Variants in HSD11B1 observed in about 807,000 individuals in gnomAD.
The protein encoded by HSD11B1 is 11-beta-hydroxysteroid dehydrogenase 1.
Under a neutral mutation model 22.1 loss-of-function variants are expected in HSD11B1, and 15 were observed. The ratio of observed to expected loss-of-function variants is 0.68; its 90% CI spans 0.45 to 1.04. HSD11B1 has a LOEUF of 1.04. Ranked by LOEUF, HSD11B1 falls within the 50% of genes least tolerant of loss-of-function variation. HSD11B1 has a pLI of 0.00. For missense variants in HSD11B1, 281 were observed against 357.6 expected, an observed-to-expected ratio of 0.79 and a Z score of 1.73; for synonymous variants, 122 against 125.2, an observed-to-expected ratio of 0.97 and a Z score of 0.17.
intron 1 of HSD11B1, among the ~76,000 whole-genome samples, chr1:209,686,619 G>T (rs1446481398): frequency 6.6e-6 from 1 of 151,658 alleles, no homozygotes; most frequent in Non-Finnish European, 1.5e-5. Flanking sequence ...AAAAGTGTCT[G>T]CATGTTCTTT....
Position 209,734,649 on chromosome 1 carries a change from T to A in HSD11B1, c.*128T>A. On this transcript the variant is annotated 3_prime_UTR_variant, in exon 6 of 6. Transcript: ENST00000367027. ...AGACATGCAAGTCATGGGTCACACC[T>A]GACAAATGGAAGGAGTTCCTCTAAC... 1 of 753,424 alleles carries A rather than the reference T, an allele frequency of 1.3e-6. No homozygotes were observed. Among genetic ancestry groups the A allele is most frequent in the Non-Finnish European group, 2.3e-6 (1 of 430,258 alleles). 46.7% of individuals were successfully genotyped at this position (753,424 alleles called of 1,614,324 possible). A position where few individuals can be genotyped will look rare whatever the true frequency, so the allele number is the denominator to read the frequency against.
Position 209,732,552 on chromosome 1 carries a change from C to G in HSD11B1, c.634C>G (p.Leu212Val), listed in dbSNP as rs1229546169. Residue 212 changes from leucine to valine, a missense_variant, in exon 5 of 6, where the codon CTC (leucine) becomes GTC (valine). Coordinates refer to ENST00000367027, the MANE Select transcript of HSD11B1 (RefSeq NM_005525.4). Reference protein sequence around the residue: ...SVSRVNVSITLCVLGLIDTET... With the variant: ...SVSRVNVSITVCVLGLIDTET... ...GTCCAGGGTCAATGTATCAATCACT[C>G]TCTGTGTTCTTGGCCTCATAGACAC... 1.9e-6 allele frequency: 3 copies of G among 1,613,866 alleles called. No homozygotes were observed. The highest frequency in any genetic ancestry group is 2.5e-6 in the Non-Finnish European group (3 of 1,179,838).
chr1:209,705,832 T>C lies in HSD11B1; in HGVS notation c.110T>C (p.Val37Ala). The change falls in exon 2 of 6, where the codon GTG becomes GCG. Residue 37 changes from valine (V) to alanine (A), a missense_variant. Transcript: ENST00000367027. ...FRPEMLQGKK[V>A]IVTGASKGIG... ...CCAGAGATGCTCCAAGGAAAGAAAG[T>C]GATTGTCACAGGGGCCAGCAAAGGG... is the stretch of plus-strand genomic sequence containing the variant. The C allele has an allele frequency of 6.2e-7, 1 of 1,613,896 alleles. No homozygotes were observed. The highest frequency in any genetic ancestry group is 1.1e-5 in the South Asian group (1 of 91,078).
intron 1 of HSD11B1, among the ~76,000 whole-genome samples, chr1:209,688,660 T>A (rs560710092): frequency 3.3e-5 from 5 of 152,192 alleles, no homozygotes; most frequent in Non-Finnish European, 7.3e-5. Flanking sequence ...GTAGAAGATA[T>A]CACTACTATA....
At chr1:209,718,468 G>A (rs77959785) in intron 4 of HSD11B1, among the ~76,000 whole-genome samples, 5,951 of 152,200 alleles carry the variant, frequency 0.039, 538 homozygotes, top group East Asian at 0.28. Flanking sequence ...ATGAAGAGAT[G>A]CTAAACATCA....
chr1:209,716,717 A>T (rs2076932734), intron 4 of HSD11B1, among the ~76,000 whole-genome samples: 2 of 152,182 alleles, frequency 1.3e-5, no homozygotes, highest in African/African-American at 4.8e-5. Context: ...AATAGACAAA[A>T]CAATGGACAA....
At chr1:209,701,816 A>G (rs962874174), upstream of HSD11B1, among the ~76,000 whole-genome samples, 6 of 152,226 alleles carry the variant, frequency 3.9e-5, no homozygotes, top group Admixed American at 6.5e-5. Flanking sequence ...GTCTCCCCAG[A>G]TCTGGCCCAT....
chr1:209,696,437 A>C (rs1363966253), intron 1 of HSD11B1, among the ~76,000 whole-genome samples: 1 of 152,150 alleles, frequency 6.6e-6, no homozygotes, highest in African/African-American at 2.4e-5. Flanking sequence ...TCAGAAGGAG[A>C]GGGTTTGGGT....
chr1:209,731,997 AC>A (rs2077038528), intron 4 of HSD11B1, among the ~76,000 whole-genome samples: 1 of 152,136 alleles, frequency 6.6e-6, no homozygotes, highest in Non-Finnish European at 1.5e-5. Context: ...GTGAGCCACC[AC>A]ACCTGGCCAG....
chr1:209,728,191 A>C (rs1026481947), intron 4 of HSD11B1, among the ~76,000 whole-genome samples: 5 of 152,210 alleles, frequency 3.3e-5, no homozygotes, highest in African/African-American at 1.2e-4. Flanking sequence ...TTGAGATTAG[A>C]AATTCACCAA....
chr1:209,734,313 T>C lies in HSD11B1; in HGVS notation c.671T>C (p.Met224Thr), dbSNP rs375683992. The change falls in exon 6 of 6, where the codon ATG (methionine) becomes ACG (threonine). Residue 224 changes from methionine to threonine, a missense_variant. Transcript: ENST00000367027. Reference sequence around the variant, plus strand: ...CCTTGTCATTCTATAGAAACAGCCATGAAGGCAGTTTCTGGGATAGTCCAT... The same window carrying C: ...CCTTGTCATTCTATAGAAACAGCCACGAAGGCAGTTTCTGGGATAGTCCAT... ...VLGLIDTETAMKAVSGIVHMQ... is the reference protein window; with the variant it reads ...VLGLIDTETATKAVSGIVHMQ... 2.5e-6 allele frequency: 4 copies of C among 1,613,498 alleles called. No individual in the cohort carries two copies. Among genetic ancestry groups the C allele is most frequent in the South Asian group, 1.1e-5 (1 of 91,074 alleles).
chr1:209,710,825 T>G (rs2076890440), intron 4 of HSD11B1, among the ~76,000 whole-genome samples: 1 of 152,228 alleles, frequency 6.6e-6, no homozygotes, highest in African/African-American at 2.4e-5. Context: ...CATAAGTGTC[T>G]CCAGTTAACT....
chr1:209,688,803 A>C (rs1157042227), intron 1 of HSD11B1, among the ~76,000 whole-genome samples: 3 of 152,354 alleles, frequency 2.0e-5, no homozygotes, highest in African/African-American at 7.2e-5. Flanking sequence ...TTTATATGCC[A>C]TAAGCCACAA....
chr1:209,694,409 T>C (rs1034505896), intron 1 of HSD11B1, among the ~76,000 whole-genome samples: 3 of 152,198 alleles, frequency 2.0e-5, no homozygotes, highest in African/African-American at 4.8e-5. Flanking sequence ...TAAAAAGTGA[T>C]GAGTGCAATG....
intron 1 of HSD11B1, among the ~76,000 whole-genome samples, chr1:209,695,494 A>G (rs2076785468): frequency 6.6e-6 from 1 of 152,210 alleles, no homozygotes; most frequent in East Asian, 1.9e-4. Flanking sequence ...CAGTCATTGG[A>G]GAACAGTTTG....
chr1:209,731,809 A>C (rs2077037483), intron 4 of HSD11B1, among the ~76,000 whole-genome samples: 1 of 152,086 alleles, frequency 6.6e-6, no homozygotes, highest in African/African-American at 2.4e-5. Flanking sequence ...CCGCCTCCCA[A>C]ATTCAAGCGA....
chr1:209,719,461 T>C (rs2076951493), intron 4 of HSD11B1, among the ~76,000 whole-genome samples: 1 of 152,192 alleles, frequency 6.6e-6, no homozygotes, highest in African/African-American at 2.4e-5. Context: ...GTTTAATGGG[T>C]GTAGTTAGTT....
chr1:209,691,835 G>A (rs1028013712), intron 1 of HSD11B1, among the ~76,000 whole-genome samples: 1 of 152,186 alleles, frequency 6.6e-6, no homozygotes, highest in African/African-American at 2.4e-5. Context: ...AGCAGGAAAT[G>A]AATAAGTAAT....
rs1342275841 is a variant in HSD11B1, at chr1:209,704,962, A to G, written c.20A>G (p.Tyr7Cys). Residue 7 changes from tyrosine (Y) to cysteine (C), a missense_variant, in exon 1 of 6, where the codon TAT (tyrosine) becomes TGT (cysteine). Coordinates refer to ENST00000367027, the MANE Select transcript of HSD11B1 (RefSeq NM_005525.4). MAFMKK[Y>C]LLPILGLFMA... ...TGTCGGATGGCTTTTATGAAAAAAT[A>G]TCTCCTCCCCATTCTGGGGCTCTTC... The G allele has an allele frequency of 2.5e-6, 4 of 1,613,708 alleles. No individual in the cohort carries two copies. The highest frequency in any genetic ancestry group is 1.7e-5 in the Admixed American group (1 of 59,984).
Sources: allele counts gnomAD v4.1 joint callset (sites outside exome capture counted in the v4.1 genomes callset), GRCh38; gene constraint gnomAD v4.1.1; transcripts MANE v1.5; gene names NCBI Gene and HGNC (gene_info 2026-07-23, HGNC 2026-07-21).